Variants in RTTN observed in about 807,000 individuals in gnomAD.
RTTN encodes the protein rotatin.
In RTTN, 182 loss-of-function variants were observed where a neutral mutation model predicts 269.2. That is an observed-to-expected ratio of 0.68 (90% CI 0.60 to 0.76). The LOEUF (loss-of-function observed/expected upper bound fraction) is 0.76. Among genes scored for constraint, RTTN ranks in the 30% least tolerant of loss-of-function variants. The pLI, the probability that RTTN is intolerant of heterozygous loss-of-function variation, is 0.00. For missense variants in RTTN, 2,545 were observed against 2,608.6 expected, an observed-to-expected ratio of 0.98 and a Z score of 0.53; for synonymous variants, 1,006 against 963.5, an observed-to-expected ratio of 1.04 and a Z score of -0.82.
chr18:70,135,358 T>C, intron 21 of RTTN, 78 bp from the exon 22 acceptor site: 2 of 863,396 alleles, frequency 2.3e-6, no homozygotes, highest in Non-Finnish European at 3.6e-6. Context: ...AATATCTTGA[T>C]TTGAAGAGAA....
At chr18:70,083,157 GCCCCTGGTA>G (rs1462667790) in intron 32 of RTTN, among the ~76,000 whole-genome samples, 1 of 152,112 alleles carries the variant, frequency 6.6e-6, no homozygotes, top group East Asian at 1.9e-4. Flanking sequence ...TGGTATCAAG[GCCCCTGGTA>G]GGAGTGCTAG....
At chr18:70,037,038 G>A (rs917605906) in intron 40 of RTTN, among the ~76,000 whole-genome samples, 1 of 152,182 alleles carries the variant, frequency 6.6e-6, no homozygotes, top group Non-Finnish European at 1.5e-5. Flanking sequence ...TGTCACAGTG[G>A]AGAGCAAAGC....
chr18:70,151,163 A>C (rs1055810717), intron 14 of RTTN, among the ~76,000 whole-genome samples: 1 of 147,952 alleles, frequency 6.8e-6, no homozygotes, highest in Non-Finnish European at 1.5e-5. Flanking sequence ...TTTATATTCT[A>C]TATATATAGA....
chr18:70,114,350 T>A, intron 27 of RTTN, 95 bp downstream of exon 27: 3 of 1,147,950 alleles, frequency 2.6e-6, no homozygotes, highest in Non-Finnish European at 3.7e-6. Flanking sequence ...GAAGTATTTC[T>A]TAATTTGAAA....
At chr18:70,051,730 C>T (rs2057675717) in intron 38 of RTTN, among the ~76,000 whole-genome samples, 182 bp from the exon 39 acceptor site, 1 of 152,122 alleles carries the variant, frequency 6.6e-6, no homozygotes, top group African/African-American at 2.4e-5. Context: ...TTTTCCATTG[C>T]TTCTTAAGAT....
chr18:70,028,788 A>G lies in RTTN; in HGVS notation c.5759T>C (p.Ile1920Thr), dbSNP rs750556300. ...CTGCATGGCAATGCTTAACTCTTTAATAACACCATCCTCCTATTTAAACAA... is the reference window on the plus strand; with the variant it reads ...CTGCATGGCAATGCTTAACTCTTTAGTAACACCATCCTCCTATTTAAACAA... ...AALKKKEDGV[I>T]KELSIAMQLL... The change falls in exon 43 of 49, where the codon ATT (isoleucine) becomes ACT (threonine). Residue 1920 changes from isoleucine (I) to threonine (T), a missense_variant. Transcript: ENST00000640769. 10 of 1,610,778 alleles carry G rather than the reference A, an allele frequency of 6.2e-6. No individual in the cohort carries two copies. The African/African-American group carries it at 1.2e-4, about 19-fold the overall frequency.
At chr18:70,061,277 T>C in intron 35 of RTTN, 1 of 451,664 alleles carries the variant, frequency 2.2e-6, no homozygotes, top group South Asian at 1.6e-5. Context: ...CCTACATTAG[T>C]GAACACCTCC....
intron 14 of RTTN, among the ~76,000 whole-genome samples, chr18:70,160,579 A>G (rs1159348113): frequency 6.6e-6 from 1 of 151,946 alleles, no homozygotes; most frequent in Non-Finnish European, 1.5e-5. Flanking sequence ...AGCCAGATCA[A>G]TCAGGCAAGA....
At position 70,148,670 on chromosome 18, in the gene RTTN, G is replaced by A. The variant is rs9807719; in HGVS notation, c.2309+231C>T. On this transcript the variant is annotated intron_variant, in intron 17 of 48. Coordinates refer to ENST00000640769, the MANE Select transcript of RTTN (RefSeq NM_173630.4). ...CTGAGCGGCACTTAGTAGCAGTCCT[G>A]TAACACAGGCTGATCTGGCAAGGAA... 0.99 allele frequency among the ~76,000 whole-genome samples: 151,153 copies of A among 152,320 alleles called. 75,002 individuals carry two copies. The highest frequency in any genetic ancestry group is 1 in the East Asian group (5,188 of 5,188).
intron 40 of RTTN, among the ~76,000 whole-genome samples, chr18:70,046,564 A>C (rs2057496770): frequency 6.6e-6 from 1 of 152,230 alleles, no homozygotes; most frequent in African/African-American, 2.4e-5. Flanking sequence ...AGACTCAGTT[A>C]ATCATTGGGA....
intron 8 of RTTN, among the ~76,000 whole-genome samples, chr18:70,191,868 C>G (rs2061679612): frequency 6.6e-6 from 1 of 152,168 alleles, no homozygotes; most frequent in South Asian, 2.1e-4. Flanking sequence ...AGTGAGGAAG[C>G]TGTTCACTCA....
chr18:70,107,515 T>G (rs976217330), intron 28 of RTTN, among the ~76,000 whole-genome samples: 3 of 152,194 alleles, frequency 2.0e-5, no homozygotes, highest in Non-Finnish European at 4.4e-5. Context: ...GTAGAAATAT[T>G]TTGACCTAAA....
At chr18:70,159,161 A>G (rs1361960462) in intron 14 of RTTN, among the ~76,000 whole-genome samples, 1 of 152,088 alleles carries the variant, frequency 6.6e-6, no homozygotes, top group African/African-American at 2.4e-5. Flanking sequence ...CACAGCACAC[A>G]CTCTAAGATC....
chr18:70,071,047 G>A (rs1008496537), intron 34 of RTTN, among the ~76,000 whole-genome samples: 1 of 152,064 alleles, frequency 6.6e-6, no homozygotes, highest in African/African-American at 2.4e-5. Context: ...TCTTTTATGG[G>A]ATCAATCACA....
intron 32 of RTTN, among the ~76,000 whole-genome samples, chr18:70,085,386 A>G (rs934870458): frequency 6.6e-5 from 10 of 152,124 alleles, no homozygotes; most frequent in African/African-American, 2.4e-4. Context: ...CAAGAGTTAA[A>G]TGCTACCTGG....
intron 40 of RTTN, among the ~76,000 whole-genome samples, chr18:70,042,353 G>A (rs867799567): frequency 6.7e-6 from 1 of 148,844 alleles, no homozygotes; most frequent in Non-Finnish European, 1.5e-5. Context: ...AATTCTAAGG[G>A]CTTTGGAATT....
intron 9 of RTTN, among the ~76,000 whole-genome samples, chr18:70,189,882 A>G (rs80127193): frequency 6.6e-6 from 1 of 152,336 alleles, no homozygotes; most frequent in African/African-American, 2.4e-5. Flanking sequence ...GTTCAGTACA[A>G]TTACAATTAA....
chr18:70,166,271 T>C, intron 13 of RTTN, 83 bp from the exon 14 acceptor site: 7 of 1,343,908 alleles, frequency 5.2e-6, no homozygotes, highest in Non-Finnish European at 7.3e-6. Flanking sequence ...GGAAGGGATT[T>C]CTTCCTACTC....
At chr18:70,092,075 TA>T in intron 30 of RTTN, 34 bp downstream of exon 30, 1 of 1,417,420 alleles carries the variant, frequency 7.1e-7, no homozygotes, top group Non-Finnish European at 9.9e-7. Flanking sequence ...TTTTTTAATC[TA>T]AACACAATAC....
Sources: allele counts gnomAD v4.1 joint callset (sites outside exome capture counted in the v4.1 genomes callset), GRCh38; gene constraint gnomAD v4.1.1; transcripts MANE v1.5; gene names NCBI Gene and HGNC (gene_info 2026-07-23, HGNC 2026-07-21).